The following MACROD2 variants were observed in gnomAD, a reference collection of about 807,000 sequenced individuals.
MACROD2 encodes mono-ADP ribosylhydrolase 2.
Under a neutral mutation model 70.4 loss-of-function variants are expected in MACROD2, and 36 were observed. The observed-to-expected ratio is 0.51, with a 90% CI of 0.39 to 0.68. The LOEUF (loss-of-function observed/expected upper bound fraction) is 0.68. Among genes scored for constraint, MACROD2 ranks in the 30% least tolerant of loss-of-function variants. MACROD2 has a pLI of 0.00. For missense variants in MACROD2, 496 were observed against 538.4 expected (o/e 0.92, Z 0.78); for synonymous variants, 172 against 178.8 (o/e 0.96, Z 0.30).
chr20:14,962,386 C>T (rs1196800338), intron 5 of MACROD2, among the ~76,000 whole-genome samples: 3 of 151,708 alleles, frequency 2.0e-5, no homozygotes. Flanking sequence ...GCATCCTTGA[C>T]CTCCTGGGCT....
chr20:14,511,690 C>T (rs900714410), intron 4 of MACROD2, among the ~76,000 whole-genome samples: 6 of 151,338 alleles, frequency 4.0e-5, no homozygotes, highest in Non-Finnish European at 7.4e-5. Context: ...AAAAGACAAC[C>T]CTAGAACCCA....
chr20:15,300,824 A>G (rs2077634880), intron 6 of MACROD2, among the ~76,000 whole-genome samples: 1 of 152,200 alleles, frequency 6.6e-6, no homozygotes, highest in Non-Finnish European at 1.5e-5. Context: ...CAAAGTGAAC[A>G]CAGGAATCAG....
At chr20:15,991,245 C>T (rs1258240625) in intron 15 of MACROD2, among the ~76,000 whole-genome samples, 4 of 152,074 alleles carry the variant, frequency 2.6e-5, no homozygotes, top group Admixed American at 2.0e-4. Context: ...TCTTTTTTTG[C>T]AACTCCTCTG....
At chr20:14,464,143 A>G (rs1004463802) in intron 3 of MACROD2, among the ~76,000 whole-genome samples, 20 of 152,096 alleles carry the variant, frequency 1.3e-4, no homozygotes, top group East Asian at 5.8e-4. Flanking sequence ...GGTAGAATTC[A>G]GCTGTGAATC....
intron 8 of MACROD2, among the ~76,000 whole-genome samples, chr20:15,537,363 A>C (rs1359316446): frequency 6.6e-6 from 1 of 152,034 alleles, no homozygotes; most frequent in Non-Finnish European, 1.5e-5. Context: ...CAGCAGCATG[A>C]AAATGGGCTA....
At chr20:14,292,680 G>A (rs923905033) in intron 3 of MACROD2, among the ~76,000 whole-genome samples, 1 of 151,850 alleles carries the variant, frequency 6.6e-6, no homozygotes, top group African/African-American at 2.4e-5. Context: ...TGTCGCCCAG[G>A]CTGGAGTGCA....
At position 14,646,869 on chromosome 20, in the gene MACROD2, G is replaced by A. The variant is rs115915494; in HGVS notation, c.302-37974G>A. On this transcript the variant is annotated intron_variant, in intron 4 of 17. Transcript: ENST00000684519. ...ATGTCGACTTCCTGTCTCTTAAAAC[G>A]CAGCAATTACGTGTGTGTTTGTGTG... Among the ~76,000 whole-genome samples the A allele has an allele frequency of 4.4e-3, 671 of 151,968 alleles. 4 individuals are homozygous for A. The highest frequency in any genetic ancestry group is 0.016 in the African/African-American group (650 of 41,458).
chr20:15,879,961 A>G (rs1385006847), intron 9 of MACROD2, among the ~76,000 whole-genome samples: 1 of 152,110 alleles, frequency 6.6e-6, no homozygotes, highest in East Asian at 1.9e-4. Flanking sequence ...ATGGCCAACT[A>G]GTAGAAAGGC....
chr20:14,151,390 T>C (rs887242070), intron 3 of MACROD2, among the ~76,000 whole-genome samples: 3 of 152,168 alleles, frequency 2.0e-5, no homozygotes, highest in Admixed American at 1.3e-4. Context: ...TGTGTTCTAC[T>C]ACAGAAGGTC....
chr20:15,240,968 CTGT>C (rs1205569595), intron 6 of MACROD2, among the ~76,000 whole-genome samples: 1 of 152,152 alleles, frequency 6.6e-6, no homozygotes, highest in East Asian at 1.9e-4. Context: ...TAATAAATTC[CTGT>C]TGTTTAAGCC....
chr20:14,647,770 A>G (rs372409384), intron 4 of MACROD2, among the ~76,000 whole-genome samples: 12 of 152,166 alleles, frequency 7.9e-5, no homozygotes, highest in African/African-American at 2.9e-4. Context: ...TCTAGGGGAC[A>G]TGATCTGCAA....
chr20:14,520,971 A>ACG (rs35368129), intron 4 of MACROD2, among the ~76,000 whole-genome samples: 21,600 of 151,246 alleles, frequency 0.14, 1,860 homozygotes, highest in East Asian at 0.39. Context: ...ACACACACAC[A>ACG]CACGCACACA....
intron 8 of MACROD2, among the ~76,000 whole-genome samples, chr20:15,795,124 G>T (rs2147062360): frequency 6.6e-6 from 1 of 152,190 alleles, no homozygotes; most frequent in South Asian, 2.1e-4. Context: ...CCCCCAGGGA[G>T]TTGTGCAATT....
chr20:14,465,953 G>A (rs1249921202), intron 3 of MACROD2, among the ~76,000 whole-genome samples: 1 of 152,052 alleles, frequency 6.6e-6, no homozygotes, highest in East Asian at 1.9e-4. Context: ...CTTTCTCTCT[G>A]GCTGCCCTTA....
intron 3 of MACROD2, among the ~76,000 whole-genome samples, chr20:14,320,411 G>C (rs2082648445): frequency 6.6e-6 from 1 of 152,004 alleles, no homozygotes; most frequent in Non-Finnish European, 1.5e-5. Context: ...TCATCTTTAA[G>C]CAATATTTTT....
chr20:14,508,237 G>T (rs2084990795), intron 4 of MACROD2, among the ~76,000 whole-genome samples: 1 of 152,154 alleles, frequency 6.6e-6, no homozygotes, highest in Non-Finnish European at 1.5e-5. Context: ...TTGAAGAAAT[G>T]CCTCAACATA....
Position 14,975,980 on chromosome 20 carries a change from G to A in MACROD2, c.419-253960G>A, listed in dbSNP as rs114877357. ...AATTAACAGGCTCAGGAAGGTAGGC[G>A]TTAACACCCTCTGCAGAAGTAGTCT... On this transcript the variant is annotated intron_variant, in intron 5 of 17. Transcript: ENST00000684519. Among the ~76,000 whole-genome samples, 999 of 152,242 alleles carry A rather than the reference G, an allele frequency of 6.6e-3. 10 individuals are homozygous for A. The highest frequency in any genetic ancestry group is 0.023 in the African/African-American group (950 of 41,532).
chr20:14,562,687 A>G (rs973218734), intron 4 of MACROD2, among the ~76,000 whole-genome samples: 2 of 151,752 alleles, frequency 1.3e-5, no homozygotes, highest in Non-Finnish European at 2.9e-5. Context: ...TCAGTCAATC[A>G]CCCTAGACCC....
intron 8 of MACROD2, among the ~76,000 whole-genome samples, chr20:15,836,903 G>C (rs1034761269): frequency 6.6e-6 from 1 of 152,232 alleles, no homozygotes; most frequent in Non-Finnish European, 1.5e-5. Flanking sequence ...GTATTACAAA[G>C]ATTGTGCCTA....
Sources: gnomAD v4.1 joint callset for allele counts (sites outside exome capture counted in the v4.1 genomes callset) on GRCh38, gnomAD v4.1.1 for gene constraint, MANE v1.5 for transcripts, NCBI Gene and HGNC (gene_info 2026-07-23, HGNC 2026-07-21) for gene names.